Variants in LRRC74A observed in about 807,000 individuals in gnomAD.
The protein encoded by LRRC74A is leucine rich repeat containing 74A, also known as leucine-rich repeat-containing protein 74A.
Under a neutral mutation model 57.9 loss-of-function variants are expected in LRRC74A, and 44 were observed. The ratio of observed to expected loss-of-function variants is 0.76; its 90% confidence interval spans 0.60 to 0.98. The LOEUF (loss-of-function observed/expected upper bound fraction) is 0.98, where lower values mean the gene tolerates loss of function less well. LRRC74A is among the 50% of genes least tolerant of loss of function. The pLI is 0.00. For missense variants in LRRC74A, 572 were observed against 574.0 expected (o/e 1.00, Z 0.04); for synonymous variants, 211 against 219.4 (o/e 0.96, Z 0.34).
intron 7 of LRRC74A, among the ~76,000 whole-genome samples, chr14:76,849,540 G>A (rs1897302166): frequency 6.6e-6 from 1 of 151,898 alleles, no homozygotes; most frequent in Admixed American, 6.6e-5. Flanking sequence ...GGTAGATCAT[G>A]CCTGTAATCC....
rs142758890 is a variant in LRRC74A at position 76,846,286 on chromosome 14, C to A, written c.676+1385C>A. On this transcript the variant is annotated intron_variant, in intron 7 of 13. Transcript: ENST00000689127. The stretch of plus-strand genomic sequence containing the variant: ...TAAAGCCAGTGAATGTCAAAGGCTG[C>A]GGACAACCGAGCGAAATAAGAATAC... Among the ~76,000 whole-genome samples, 287 of 152,242 alleles carry A rather than the reference C, an allele frequency of 1.9e-3. 2 individuals are homozygous for A. The highest frequency in any genetic ancestry group is 5.9e-3 in the African/African-American group (245 of 41,548).
chr14:76,844,336 G>A, intron 5 of LRRC74A, 87 bp from the exon 6 acceptor site: 2 of 1,238,270 alleles, frequency 1.6e-6, no homozygotes, highest in Middle Eastern at 1.9e-4. Flanking sequence ...TTGTTCTAAA[G>A]GGAAGTGGAC....
At position 76,826,705 on chromosome 14, in the gene LRRC74A, A is replaced by C; in HGVS notation, c.8A>C (p.Asn3Thr). 1.3e-6 allele frequency: 2 copies of C among 1,544,768 alleles called. No homozygotes were observed. The highest frequency in any genetic ancestry group is 1.4e-5 in the African/African-American group (1 of 73,408). MDNDKPLQPETED... is the reference protein window; with the variant it reads MDTDKPLQPETED... ...CAAGAGGGTCCTGGCACCATGGACA[A>C]TGACAAGCCTCTTCAGCCTGAGACA... is the stretch of plus-strand genomic sequence containing the variant. Residue 3 changes from asparagine (N) to threonine (T), a missense_variant, in exon 1 of 14, where the codon AAT (asparagine) becomes ACT (threonine). By Grantham distance (65) the Asn-to-Thr change is moderately conservative. Transcript: ENST00000689127.
chr14:76,864,755 G>A (rs1312044852), intron 11 of LRRC74A, among the ~76,000 whole-genome samples: 1 of 152,198 alleles, frequency 6.6e-6, no homozygotes, highest in East Asian at 1.9e-4. Flanking sequence ...CCGGGAGGCT[G>A]AGGCAGGAGA....
At chr14:76,854,607 A>G (rs993336132) in intron 9 of LRRC74A, among the ~76,000 whole-genome samples, 13 of 152,080 alleles carry the variant, frequency 8.5e-5, no homozygotes, top group Admixed American at 3.3e-4. Context: ...CTCTGTCTCA[A>G]AAAAAAGAAT....
chr14:76,862,745 T>G (rs886500179), intron 11 of LRRC74A, among the ~76,000 whole-genome samples: 5 of 152,228 alleles, frequency 3.3e-5, no homozygotes, highest in African/African-American at 1.2e-4. Flanking sequence ...GAGAGGCTCC[T>G]GCCAGCAAAG....
intron 2 of LRRC74A, among the ~76,000 whole-genome samples, chr14:76,830,816 C>T (rs1264727162): frequency 6.6e-6 from 1 of 152,238 alleles, no homozygotes; most frequent in Non-Finnish European, 1.5e-5. Context: ...CATCAAAAGT[C>T]ATCCGCGTTT....
At chr14:76,852,619 CTT>C (rs34074806) in intron 8 of LRRC74A, among the ~76,000 whole-genome samples, 169 bp downstream of exon 8, 2 of 129,996 alleles carry the variant, frequency 1.5e-5, no homozygotes, top group African/African-American at 2.9e-5. Context: ...CCTGGATGCA[CTT>C]TTTTTTTTTT....
At position 76,843,620 on chromosome 14, in the gene LRRC74A, A is replaced by C. The variant is rs542471872; in HGVS notation, c.545-803A>C. 2.0e-5 allele frequency among the ~76,000 whole-genome samples: 3 copies of C among 152,164 alleles called. No homozygotes were observed. The South Asian group carries it at 6.2e-4, about 32-fold the overall frequency. On this transcript the variant is annotated intron_variant, in intron 5 of 13. Coordinates refer to ENST00000689127, the MANE Select transcript of LRRC74A (RefSeq NM_001385106.1). ...GGCAATGTTAAAAGAGAGGGTAAACAGTTGCCTTGTTCTCTTTTGTCCATG... is the reference window on the plus strand; with the variant it reads ...GGCAATGTTAAAAGAGAGGGTAAACCGTTGCCTTGTTCTCTTTTGTCCATG...
intron 2 of LRRC74A, among the ~76,000 whole-genome samples, chr14:76,829,883 G>T (rs887941422): frequency 9.2e-5 from 14 of 152,172 alleles, no homozygotes; most frequent in African/African-American, 4.8e-5. Flanking sequence ...CTAGAGAAAA[G>T]GGGGAGACGA....
At chr14:76,863,187 T>TGTGTGC (rs1443092840) in intron 11 of LRRC74A, among the ~76,000 whole-genome samples, 5 of 150,080 alleles carry the variant, frequency 3.3e-5, no homozygotes, top group Non-Finnish European at 5.9e-5. Context: ...TGCATGTGAG[T>TGTGTGC]GTGTGTGTGT....
At chr14:76,857,507 G>A (rs748073920) in intron 10 of LRRC74A, 32 bp downstream of exon 10, 3 of 1,470,282 alleles carry the variant, frequency 2.0e-6, no homozygotes, top group Non-Finnish European at 2.8e-6. Context: ...GCTTGCGTCT[G>A]GGCACAAGCC....
chr14:76,866,762 C>A (rs1898835476), intron 12 of LRRC74A, among the ~76,000 whole-genome samples: 1 of 151,774 alleles, frequency 6.6e-6, no homozygotes, highest in Non-Finnish European at 1.5e-5. Flanking sequence ...TCTCCTCCTG[C>A]CTTATTGCCC....
At chr14:76,859,300 C>T (rs1024108239) in intron 10 of LRRC74A, among the ~76,000 whole-genome samples, 4 of 151,940 alleles carry the variant, frequency 2.6e-5, no homozygotes, top group Admixed American at 1.3e-4. Context: ...TTTGGGAGGC[C>T]GAGGCGGGTG....
chr14:76,869,958 G>A (rs972508844), intron 13 of LRRC74A, among the ~76,000 whole-genome samples, 167 bp from the exon 14 acceptor site: 1 of 152,156 alleles, frequency 6.6e-6, no homozygotes, highest in East Asian at 1.9e-4. Context: ...GCACACACAT[G>A]CACACATGTG....
At chr14:76,852,619 C>CT (rs34074806) in intron 8 of LRRC74A, among the ~76,000 whole-genome samples, 169 bp downstream of exon 8, 55,127 of 129,908 alleles carry the variant, frequency 0.42, 12,330 homozygotes, top group Middle Eastern at 0.55. Flanking sequence ...CCTGGATGCA[C>CT]TTTTTTTTTT....
chr14:76,841,055 T>C (rs1172272039), intron 5 of LRRC74A, among the ~76,000 whole-genome samples: 2 of 152,178 alleles, frequency 1.3e-5, no homozygotes, highest in African/African-American at 4.8e-5. Context: ...CATTTCTTTG[T>C]TTTTGAGACG....
intron 12 of LRRC74A, among the ~76,000 whole-genome samples, chr14:76,866,799 T>C (rs1272096105): frequency 6.6e-6 from 1 of 151,606 alleles, no homozygotes; most frequent in Non-Finnish European, 1.5e-5. Flanking sequence ...CTTTGGAGTC[T>C]GGACAATGAC....
intron 9 of LRRC74A, among the ~76,000 whole-genome samples, chr14:76,856,527 GA>G (rs1333166639): frequency 6.6e-6 from 1 of 150,886 alleles, no homozygotes; most frequent in Non-Finnish European, 1.5e-5. Context: ...TGGATGGATG[GA>G]TGGATGGATG....
Sources: allele counts gnomAD v4.1 joint callset (sites outside exome capture counted in the v4.1 genomes callset), GRCh38; gene constraint gnomAD v4.1.1; transcripts MANE v1.5; gene names NCBI Gene and HGNC (gene_info 2026-07-23, HGNC 2026-07-21).